The following MUC5B variants were observed in gnomAD, a reference collection of about 807,000 sequenced individuals.
The protein encoded by MUC5B is mucin 5B, oligomeric mucus/gel-forming.
In MUC5B, 116 loss-of-function variants were observed where a neutral mutation model predicts 376.9. The observed-to-expected ratio is 0.31, with a 90% confidence interval of 0.26 to 0.36. MUC5B has a LOEUF of 0.36. MUC5B is among the 10% of genes least tolerant of loss of function. The pLI, the probability that MUC5B is intolerant of heterozygous loss-of-function variation, is 1.00. For synonymous variants in MUC5B, 3,517 were observed against 3,390.9 expected (o/e 1.04, Z -1.29); for missense variants, 7,165 against 7,769.9 (o/e 0.92, Z 2.93).
Position 1,252,990 on chromosome 11 carries a change from T to C in MUC5B, c.15217+10T>C. 1.2e-6 allele frequency: 2 copies of C among 1,612,286 alleles called. No homozygotes were observed. Among genetic ancestry groups the C allele is most frequent in the Non-Finnish European group, 1.7e-6 (2 of 1,179,786 alleles). ...CACTATGAGTGCGAGTGTGAGTGCG[T>C]CGGTGGCCGCGGGATTACCCCGGGG... On this transcript the variant is annotated intron_variant, in intron 33 of 48. Transcript: ENST00000529681.
In MUC5B at chr11:1,246,858, G is replaced by C; in HGVS notation, c.9978G>C (p.Thr3326=). 1 of 1,609,814 alleles carries C rather than the reference G, an allele frequency of 6.2e-7. No homozygotes were observed. ...FTATPSSSPG[T]ALTPPVWIST... ...CCACCCCCTCCTCCAGCCCAGGGAC[G>C]GCACTCACGCCTCCAGTGTGGATCA... Residue 3326 remains threonine (T), a synonymous_variant, in exon 31 of 49, where the codon ACG becomes ACC. Transcript: ENST00000529681.
chr11:1,239,328 C>A, intron 26 of MUC5B, 110 bp from the exon 27 acceptor site: 2 of 1,411,508 alleles, frequency 1.4e-6, no homozygotes, highest in South Asian at 2.8e-5. Flanking sequence ...GGGACAAGCC[C>A]GGGTCTGGCT....
At position 1,245,417 on chromosome 11, in the gene MUC5B, G is replaced by C; in HGVS notation, c.8537G>C (p.Ser2846Thr). The C allele has an allele frequency of 6.4e-7, 1 of 1,558,990 alleles. No homozygotes were observed. The highest frequency in any genetic ancestry group is 8.7e-7 in the Non-Finnish European group (1 of 1,150,240). Residue 2846 changes from serine (S) to threonine (T), a missense_variant, in exon 31 of 49, where the codon AGC becomes ACC. This residue lies in a region of MUC5B where 50 missense variants were observed against 66.4 expected (regional missense o/e 0.75). Coordinates refer to ENST00000529681, the MANE Select transcript of MUC5B (RefSeq NM_002458.3). The part of the protein sequence containing the change: ...TSRTTATATP[S>T]KTRTSTLLPS... ...AGGACCACGGCCACGGCCACACCCA[G>C]CAAGACCCGCACCTCGACCCTGCTG...
intron 10 of MUC5B, 23 bp from the exon 11 acceptor site, chr11:1,229,982 C>G (rs1861985672): frequency 6.3e-7 from 1 of 1,575,342 alleles, no homozygotes; most frequent in African/African-American, 1.3e-5. Flanking sequence ...CATGCCGGTT[C>G]TGCTCACGGC....
chr11:1,241,743 C>G lies in MUC5B; in HGVS notation c.4863C>G (p.Thr1621=), dbSNP rs2133824157. 1 of 1,612,290 alleles carries G rather than the reference C, an allele frequency of 6.2e-7. No homozygotes were observed. The highest frequency in any genetic ancestry group is 8.5e-7 in the Non-Finnish European group (1 of 1,179,564). ...PPTTELETAT[T]TTTQALFSTP... The stretch of plus-strand genomic sequence containing the variant: ...CCACAGAGCTGGAGACGGCCACCAC[C>G]ACCACCACCCAGGCCCTGTTCTCAA... The change falls in exon 31 of 49, where the codon ACC becomes ACG. Residue 1621 remains threonine, a synonymous_variant. Coordinates refer to ENST00000529681, the MANE Select transcript of MUC5B (RefSeq NM_002458.3).
rs940920030 is a variant in MUC5B at position 1,241,522 on chromosome 11, G to A, written c.4642G>A (p.Glu1548Lys). 2 of 1,613,296 alleles carry A rather than the reference G, an allele frequency of 1.2e-6. No individual in the cohort carries two copies. The highest frequency in any genetic ancestry group is 1.7e-6 in the Non-Finnish European group (2 of 1,179,768). Residue 1548 changes from glutamate (E) to lysine (K), a missense_variant, in exon 31 of 49, where the codon GAG becomes AAG. Transcript: ENST00000529681. ...GHLCQQPKDIECQAESFPNWT... is the reference protein window; with the variant it reads ...GHLCQQPKDIKCQAESFPNWT... ...CTTATGCCAGCAGCCTAAGGACATA[G>A]AGTGCCAGGCCGAGAGCTTCCCCAA...
At position 1,240,160 on chromosome 11, in the gene MUC5B, T is replaced by C; in HGVS notation, c.3773-18T>C. The C allele has an allele frequency of 6.3e-7, 1 of 1,584,746 alleles. No homozygotes were observed. The highest frequency in any genetic ancestry group is 2.3e-5 in the East Asian group (1 of 44,380). On this transcript the variant is annotated intron_variant, in intron 29 of 48. Transcript: ENST00000529681. The stretch of plus-strand genomic sequence containing the variant: ...GGGGCTCGGAGGCCCTGGGTGACTC[T>C]GCCGGCTCCATCCCCAGCCTGCACC...
intron 2 of MUC5B, among the ~76,000 whole-genome samples, chr11:1,225,986 A>G (rs1362192287): frequency 6.6e-6 from 1 of 152,220 alleles, no homozygotes; most frequent in Non-Finnish European, 1.5e-5. Context: ...CCACACTTAC[A>G]CTGGCACACA....
rs1862864256 is a variant in MUC5B, at chr11:1,257,299, A to G, written c.16269+28A>G. On this transcript the variant is annotated intron_variant, in intron 40 of 48. Transcript: ENST00000529681. The surrounding 1 kb of genome is among the most constrained non-coding windows in gnomAD (Gnocchi z 8.9). ...GAGTGGCTCCACCCCCACCTGCCCTACCCCACCCTCTCGCGAGCTGAGGGA... is the reference window on the plus strand; with the variant it reads ...GAGTGGCTCCACCCCCACCTGCCCTGCCCCACCCTCTCGCGAGCTGAGGGA... 1.3e-6 allele frequency: 1 copy of G among 783,890 alleles called. No homozygotes were observed. Among genetic ancestry groups the G allele is most frequent in the Non-Finnish European group, 2.4e-6 (1 of 422,432 alleles). 48.6% of individuals were successfully genotyped at this position (783,890 alleles called of 1,614,324 possible). A position where few individuals can be genotyped will look rare whatever the true frequency, so the allele number is the denominator to read the frequency against.
chr11:1,239,621 C>T (rs564722597), intron 27 of MUC5B, 55 bp downstream of exon 27: 89 of 1,525,550 alleles, frequency 5.8e-5, no homozygotes, highest in South Asian at 4.7e-4. Context: ...CCCGAGTGTA[C>T]GTGGGGGGGC....
intron 13 of MUC5B, 63 bp downstream of exon 13, chr11:1,231,068 G>A: frequency 1.3e-6 from 2 of 1,481,564 alleles, no homozygotes; most frequent in Non-Finnish European, 1.8e-6. Context: ...AGCTCCCACA[G>A]CCTGGGCAGC....
rs753031854 is a variant in MUC5B at position 1,248,601 on chromosome 11, C to G, written c.11721C>G (p.Ser3907=). The G allele has an allele frequency of 3.2e-5, 51 of 1,613,026 alleles. No individual in the cohort carries two copies. Among genetic ancestry groups the G allele is most frequent in the Middle Eastern group, 3.4e-4 (2 of 5,904 alleles). The part of the protein sequence containing the change: ...PTTSGSTVTP[S]SVPGTTHTPT... ...CCAGTGGCTCCACGGTGACCCCCTCCTCCGTCCCGGGGACCACCCACACCC... is the reference window on the plus strand; with the variant it reads ...CCAGTGGCTCCACGGTGACCCCCTCGTCCGTCCCGGGGACCACCCACACCC... The change falls in exon 31 of 49, where the codon TCC becomes TCG. Residue 3907 remains serine (S), a synonymous_variant. Transcript: ENST00000529681.
At position 1,261,720 on chromosome 11, in the gene MUC5B, C is replaced by A. The variant is rs1321650723; in HGVS notation, c.*112C>A. On this transcript the variant is annotated 3_prime_UTR_variant, in exon 49 of 49. Transcript: ENST00000529681. ...GGAGCCCCCCGGCCTGTGTGTGGCA[C>A]CCCGCGCTCCGTGCTCCTGCTGCCC... 3 of 1,107,692 alleles carry A rather than the reference C, an allele frequency of 2.7e-6. No homozygotes were observed. Among genetic ancestry groups the A allele is most frequent in the Non-Finnish European group, 4.0e-6 (3 of 755,716 alleles). The allele number at this position is 1,107,692 out of a possible 1,614,324, so 68.6% of individuals were successfully genotyped here.
intron 25 of MUC5B, among the ~76,000 whole-genome samples, chr11:1,237,963 C>T (rs1862192882): frequency 6.6e-6 from 1 of 152,202 alleles, no homozygotes; most frequent in South Asian, 2.1e-4. Context: ...GGCTCAGGAG[C>T]TGAGATGAGG....
At position 1,235,075 on chromosome 11, in the gene MUC5B, C is replaced by A; in HGVS notation, c.2631-10C>A. 2 of 1,606,190 alleles carry A rather than the reference C, an allele frequency of 1.2e-6. No individual in the cohort carries two copies. On this transcript the variant is annotated splice_polypyrimidine_tract_variant and intron_variant, in intron 21 of 48. Coordinates refer to ENST00000529681, the MANE Select transcript of MUC5B (RefSeq NM_002458.3). ...CCCCTGTGAGCAGGCACCATTGTGG[C>A]CCCTTGCAGCACCTGCAGGAACCGG...
At chr11:1,231,041 C>T (rs950447189) in intron 13 of MUC5B, 36 bp downstream of exon 13, 21 of 1,541,990 alleles carry the variant, frequency 1.4e-5, no homozygotes, top group African/African-American at 9.6e-5. Flanking sequence ...GGCTGGGTGG[C>T]GCCTGCTTGC....
In MUC5B at chr11:1,244,861, G is replaced by C. The variant is rs755370964; in HGVS notation, c.7981G>C (p.Val2661Leu). The C allele has an allele frequency of 7.4e-6, 12 of 1,613,364 alleles. No individual in the cohort carries two copies. In the African/African-American group the frequency reaches 1.2e-4, roughly 16 times the overall value. ...CCCGGGGACCACCCACACCCCCACA[G>C]TGCTGACCACCACCACCACAACTGT... ...SIPGTTHTPT[V>L]LTTTTTTVAT... The change falls in exon 31 of 49, where the codon GTG becomes CTG. Residue 2661 changes from valine (V) to leucine (L), a missense_variant. This residue lies in a region of MUC5B where 141 missense variants were observed against 111.2 expected (regional missense o/e 1.27). Coordinates refer to ENST00000529681, the MANE Select transcript of MUC5B (RefSeq NM_002458.3).
Position 1,249,227 on chromosome 11 carries a change from C to T in MUC5B, c.12347C>T (p.Thr4116Ile). 1.2e-6 allele frequency: 2 copies of T among 1,611,532 alleles called. No homozygotes were observed. Among genetic ancestry groups the T allele is most frequent in the Non-Finnish European group, 1.7e-6 (2 of 1,179,592 alleles). Residue 4116 changes from threonine (T) to isoleucine (I), a missense_variant, in exon 31 of 49, where the codon ACA becomes ATA. Around this residue, in one of 31 missense-constraint regions of MUC5B, gnomAD observed 47 missense variants for 88.4 expected, o/e 0.53. Transcript: ENST00000529681. ...RTSTLLPSSP[T>I]SAPITTVVTT... The stretch of plus-strand genomic sequence containing the variant: ...TCGACCCTGCTGCCCAGCAGCCCCA[C>T]ATCGGCCCCCATAACCACGGTGGTG...
At chr11:1,235,448 C>T (rs1251701591) in intron 23 of MUC5B, 35 bp downstream of exon 23, 3 of 1,565,956 alleles carry the variant, frequency 1.9e-6, no homozygotes, top group East Asian at 2.3e-5. Flanking sequence ...ACCCCCGACC[C>T]TGCAGCCAAC....
Sources: gnomAD v4.1 joint callset for allele counts (sites outside exome capture counted in the v4.1 genomes callset) on GRCh38, gnomAD v4.1.1 for gene constraint, gnomAD v4.1.1 regional missense constraint, Gnocchi (gnomAD v3.1) non-coding constraint, MANE v1.5 for transcripts, NCBI Gene and HGNC (gene_info 2026-07-23, HGNC 2026-07-21) for gene names.